XPO4: variants seen among roughly 807,000 people sequenced by gnomAD.
XPO4 encodes the protein exportin 4, also known as exportin-4.
A neutral mutation model predicts 143.0 loss-of-function variants in XPO4; 39 were observed. The ratio of observed to expected loss-of-function variants is 0.27; its 90% CI spans 0.21 to 0.36. The LOEUF (loss-of-function observed/expected upper bound fraction) is 0.36, where lower values mean the gene tolerates loss of function less well. XPO4 is among the 10% of genes least tolerant of loss of function. XPO4 has a pLI of 1.00. For missense variants in XPO4, 907 were observed against 1,348.0 expected (o/e 0.67, Z 5.12); for synonymous variants, 439 against 474.0 (o/e 0.93, Z 0.96).
chr13:20,808,414 T>G, intron 12 of XPO4, 22 bp downstream of exon 12: 1 of 1,498,574 alleles, frequency 6.7e-7, no homozygotes, highest in South Asian at 1.4e-5. Context: ...AATTACATTT[T>G]AAAAAGAAAC....
At chr13:20,794,331 A>G (rs1231052816) in intron 18 of XPO4, among the ~76,000 whole-genome samples, 2 of 140,762 alleles carry the variant, frequency 1.4e-5, no homozygotes, top group Non-Finnish European at 3.0e-5. Context: ...ATAGAATAAG[A>G]ATCCAAGAAA....
At chr13:20,828,847 A>G (rs1752198545) in intron 6 of XPO4, among the ~76,000 whole-genome samples, 2 of 152,200 alleles carry the variant, frequency 1.3e-5, no homozygotes, top group South Asian at 2.1e-4. Flanking sequence ...TTTTCTTAAG[A>G]GGCACCGATC....
At chr13:20,850,315 T>C in intron 4 of XPO4, 11 of 961,732 alleles carry the variant, frequency 1.1e-5, no homozygotes, top group Non-Finnish European at 1.2e-5. Context: ...TTATTTTACA[T>C]ATTAGTGAAC....
rs1215008390 is a variant in XPO4, at chr13:20,778,708, T to C, written c.*5014A>G. On this transcript the variant is annotated 3_prime_UTR_variant, in exon 23 of 23. Transcript: ENST00000255305. ...GGTGATGCAAATCTTGATTTTTATC[T>C]GTACAGATGTCTTCATTTTTTTAAA... 1 of 152,252 alleles carries C rather than the reference T, an allele frequency of 6.6e-6. No homozygotes were observed. The highest frequency in any genetic ancestry group is 1.5e-5 in the Non-Finnish European group (1 of 68,034). 9.4% of individuals were successfully genotyped at this position (152,252 alleles called of 1,614,324 possible).
chr13:20,850,121 C>A (rs563526068), intron 4 of XPO4: 3 of 984,812 alleles, frequency 3.0e-6, no homozygotes, highest in Non-Finnish European at 3.6e-6. Context: ...AAACCACACA[C>A]AAATGATTAG....
chr13:20,899,808 C>T (rs1425940279), intron 1 of XPO4, among the ~76,000 whole-genome samples: 2 of 152,126 alleles, frequency 1.3e-5, no homozygotes, highest in Non-Finnish European at 2.9e-5. Context: ...AGTTAAAATA[C>T]AGCAATTTTC....
In XPO4 at chr13:20,808,416, A is replaced by C; in HGVS notation, c.1639+20T>G. ...TTGCTCAGTTGGCAATTACATTTTA[A>C]AAAGAAACCACCAACCAACCTGTAA... On this transcript the variant is annotated intron_variant, in intron 12 of 22. Coordinates refer to ENST00000255305, the MANE Select transcript of XPO4 (RefSeq NM_022459.5). 6.7e-7 allele frequency: 1 copy of C among 1,499,564 alleles called. No individual in the cohort carries two copies. The highest frequency in any genetic ancestry group is 9.0e-7 in the Non-Finnish European group (1 of 1,106,688). 92.9% of individuals were successfully genotyped at this position (1,499,564 alleles called of 1,614,324 possible).
At chr13:20,862,587 C>A in intron 3 of XPO4, 130 bp downstream of exon 3, 1 of 1,175,534 alleles carries the variant, frequency 8.5e-7, no homozygotes, top group East Asian at 2.4e-5. Context: ...CTCAGCCTCC[C>A]AAAGTGGAGA....
At chr13:20,787,430 CCA>C (rs1207386297) in intron 21 of XPO4, 49 bp downstream of exon 21, 3 of 1,527,572 alleles carry the variant, frequency 2.0e-6, no homozygotes. Flanking sequence ...TGTGCACCGA[CCA>C]CACTTTTGAA....
intron 13 of XPO4, 100 bp downstream of exon 13, chr13:20,807,357 G>A: frequency 2.5e-6 from 3 of 1,205,980 alleles, no homozygotes; most frequent in Non-Finnish European, 3.5e-6. Flanking sequence ...TCATGTATCA[G>A]ATTTACAACG....
intron 16 of XPO4, among the ~76,000 whole-genome samples, chr13:20,797,351 C>A (rs1024661014): frequency 1.3e-5 from 2 of 152,078 alleles, no homozygotes; most frequent in Non-Finnish European, 2.9e-5. Context: ...GGAAAAAAAA[C>A]TTTGTTTACA....
rs968769667 is a variant in XPO4, at chr13:20,852,130, T to C, written c.456+3497A>G. 4.2e-5 allele frequency: 41 copies of C among 985,344 alleles called. No individual in the cohort carries two copies. In the African/African-American group the frequency reaches 7.0e-4, roughly 17 times the overall value. 61.0% of individuals were successfully genotyped at this position (985,344 alleles called of 1,614,324 possible). Reference sequence around the variant, plus strand: ...CATAAATTCTACCCCAATACCAAAATCCTGGCTGGAATGATCACCAAACTA... The same window carrying C: ...CATAAATTCTACCCCAATACCAAAACCCTGGCTGGAATGATCACCAAACTA... On this transcript the variant is annotated intron_variant, in intron 4 of 22. Coordinates refer to ENST00000255305, the MANE Select transcript of XPO4 (RefSeq NM_022459.5).
intron 4 of XPO4, chr13:20,850,337 G>A (rs1054966656): frequency 5.4e-6 from 5 of 928,566 alleles, no homozygotes; most frequent in South Asian, 9.9e-5. Flanking sequence ...AATGCCTAGA[G>A]AAGTTAATTT....
intron 4 of XPO4, chr13:20,851,897 C>G: frequency 1.6e-5 from 16 of 985,278 alleles, no homozygotes; most frequent in Non-Finnish European, 1.9e-5. Flanking sequence ...CTCAGAAGAT[C>G]AGTTATTTCA....
Position 20,870,089 on chromosome 13 carries a change from CAAAAAAA to C in XPO4, c.70-1395_70-1389del, listed in dbSNP as rs59710121. ...CACTCTAGCCTGGGTGAAGGAGTCT[CAAAAAAA>C]AAAAAAAAAAAGAATTGTGTTAAAT... On this transcript the variant is annotated intron_variant, in intron 1 of 22. Transcript: ENST00000255305. Among the ~76,000 whole-genome samples the C allele has an allele frequency of 1.1e-4, 11 of 98,906 alleles. No homozygotes were observed. The South Asian group carries it at 3.0e-3, about 27-fold the overall frequency. The allele number at this position is 98,906 out of a possible 152,430, so 64.9% of individuals were successfully genotyped here. A position where few individuals can be genotyped will look rare whatever the true frequency, so the allele number is the denominator to read the frequency against.
At chr13:20,890,421 G>A (rs1236856425) in intron 1 of XPO4, among the ~76,000 whole-genome samples, 1 of 151,600 alleles carries the variant, frequency 6.6e-6, no homozygotes, top group Non-Finnish European at 1.5e-5. Flanking sequence ...CTGTACTCCA[G>A]CCTGGGCAAC....
At chr13:20,865,021 G>A (rs904729528) in intron 2 of XPO4, among the ~76,000 whole-genome samples, 5 of 152,028 alleles carry the variant, frequency 3.3e-5, no homozygotes, top group African/African-American at 4.8e-5. Flanking sequence ...AGGTACTCTC[G>A]AAGCCTACCA....
chr13:20,802,916 A>AAC (rs1275355263), intron 13 of XPO4, among the ~76,000 whole-genome samples: 1 of 152,236 alleles, frequency 6.6e-6, no homozygotes, highest in Admixed American at 6.5e-5. Flanking sequence ...ATTAAACATG[A>AAC]ATAAACACAA....
At chr13:20,819,105 G>A (rs185388600) in intron 9 of XPO4, among the ~76,000 whole-genome samples, 112 of 152,288 alleles carry the variant, frequency 7.4e-4, no homozygotes, top group African/African-American at 2.7e-3. Context: ...TTACAGGCGT[G>A]AGCCACTGAG....
Sources: gnomAD v4.1 joint callset for allele counts (sites outside exome capture counted in the v4.1 genomes callset) on GRCh38, gnomAD v4.1.1 for gene constraint, MANE v1.5 for transcripts, NCBI Gene and HGNC (gene_info 2026-07-23, HGNC 2026-07-21) for gene names.